The following MASP1 variants were observed in gnomAD, a reference collection of about 807,000 sequenced individuals.
MASP1 encodes mannan-binding lectin serine protease 1.
A neutral mutation model predicts 77.1 loss-of-function variants in MASP1; 59 were observed. The ratio of observed to expected loss-of-function variants is 0.77; its 90% CI spans 0.62 to 0.95. MASP1 has a LOEUF of 0.95. Among genes scored for constraint, MASP1 ranks in the 40% least tolerant of loss-of-function variants. MASP1 has a pLI of 0.00. For missense variants in MASP1, 885 were observed against 912.9 expected (o/e 0.97, Z 0.39); for synonymous variants, 362 against 354.5 (o/e 1.02, Z -0.24).
intron 2 of MASP1, among the ~76,000 whole-genome samples, chr3:187,278,586 C>T (rs544192901): frequency 1.3e-5 from 2 of 152,348 alleles, no homozygotes; most frequent in African/African-American, 4.8e-5. Context: ...AAACTCAATG[C>T]ACTTCAGTGC....
downstream of MASP1, chr3:187,229,953 A>T (rs1415925125): frequency 2.5e-6 from 4 of 1,604,366 alleles, no homozygotes; most frequent in African/African-American, 5.4e-5. Flanking sequence ...CATCTTGCCC[A>T]CTGCCAGAGC....
At chr3:187,251,786 G>T in intron 6 of MASP1, 34 bp from the exon 7 acceptor site, 1 of 1,545,138 alleles carries the variant, frequency 6.5e-7, no homozygotes, top group Non-Finnish European at 9.0e-7. Context: ...CAGCAGGTGA[G>T]AAAAGAGAAT....
chr3:187,261,379 C>G lies in MASP1; in HGVS notation c.416-507G>C, dbSNP rs1392045139. ...CCTCATGCTACCTCTTTCTTTCTTT[C>G]TGCCCCTAATGTGGGTCAAGCCCTG... On this transcript the variant is annotated intron_variant, in intron 3 of 10. Transcript: ENST00000296280. 2.0e-5 allele frequency among the ~76,000 whole-genome samples: 3 copies of G among 152,204 alleles called. No individual in the cohort carries two copies. The East Asian group carries it at 5.8e-4, about 29-fold the overall frequency.
chr3:187,262,670 T>C lies in MASP1; in HGVS notation c.288A>G (p.Thr96=), dbSNP rs1715695786. 3 of 1,614,146 alleles carry C rather than the reference T, an allele frequency of 1.9e-6. No homozygotes were observed. Among genetic ancestry groups the C allele is most frequent in the African/African-American group, 1.3e-5 (1 of 75,050 alleles). Residue 96 remains threonine, a synonymous_variant, in exon 3 of 11, where the codon ACA becomes ACG. Coordinates refer to ENST00000296280, the MANE Select transcript of MASP1 (RefSeq NM_139125.4). ...VLATFCGRET[T]DTEQTPGQEV... ...CCTGGCCGGGAGTCTGCTCTGTGTC[T>C]GTGGTCTCCCTGCCACAGAAGGTTG...
intron 10 of MASP1, among the ~76,000 whole-genome samples, chr3:187,240,431 G>A (rs987079919): frequency 2.0e-5 from 3 of 151,992 alleles, no homozygotes; most frequent in African/African-American, 7.3e-5. Flanking sequence ...ATTCCTCAAT[G>A]CTGTCTTGAG....
intron 8 of MASP1, chr3:187,246,527 A>G (rs1245681614): frequency 9.1e-6 from 9 of 985,376 alleles, no homozygotes; most frequent in Non-Finnish European, 1.1e-5. Context: ...AGTCCATTTA[A>G]TGCAAAGATT....
chr3:187,281,187 A>G (rs1328554863), intron 2 of MASP1, among the ~76,000 whole-genome samples: 1 of 152,252 alleles, frequency 6.6e-6, no homozygotes, highest in African/African-American at 2.4e-5. Context: ...GCAGATGTGC[A>G]TGAGTCTTGA....
At chr3:187,260,137 C>G (rs369475579) in intron 4 of MASP1, among the ~76,000 whole-genome samples, 14 of 152,312 alleles carry the variant, frequency 9.2e-5, no homozygotes, top group African/African-American at 3.4e-4. Context: ...CCCATTACCC[C>G]ACTAGCCCAA....
At chr3:187,257,157 G>A (rs934892326) in intron 4 of MASP1, among the ~76,000 whole-genome samples, 1 of 151,922 alleles carries the variant, frequency 6.6e-6, no homozygotes, top group Non-Finnish European at 1.5e-5. Context: ...GAGAGGGAAG[G>A]GTTTTGAGAT....
Position 187,234,800 on chromosome 3 carries a change from G to C in MASP1, c.*884C>G, listed in dbSNP as rs1109452. 1 of 1,286,982 alleles carries C rather than the reference G, an allele frequency of 7.8e-7. No homozygotes were observed. The highest frequency in any genetic ancestry group is 2.3e-5 in the Admixed American group (1 of 43,538). The allele number at this position is 1,286,982 out of a possible 1,614,324, so 79.7% of individuals were successfully genotyped here. The stretch of plus-strand genomic sequence containing the variant: ...GGTAATCGACTAAGTCCCCATATTC[G>C]GGCCTGGGCTTCAGGTAGCCTTTCA... On this transcript the variant is annotated 3_prime_UTR_variant, in exon 11 of 11. Transcript: ENST00000296280.
chr3:187,233,923 C>G (rs1381501521), downstream of MASP1, among the ~76,000 whole-genome samples: 1 of 152,232 alleles, frequency 6.6e-6, no homozygotes, highest in Admixed American at 6.5e-5. Flanking sequence ...TAACCAAATC[C>G]TTTCCTCATT....
chr3:187,274,943 G>A (rs532035170), intron 2 of MASP1, among the ~76,000 whole-genome samples: 7 of 135,956 alleles, frequency 5.1e-5, no homozygotes, highest in East Asian at 5.2e-4. Context: ...AGTGCCCACC[G>A]TCTCAGAGGG....
At chr3:187,257,645 A>G (rs1229362521) in intron 4 of MASP1, among the ~76,000 whole-genome samples, 1 of 152,128 alleles carries the variant, frequency 6.6e-6, no homozygotes, top group Non-Finnish European at 1.5e-5. Flanking sequence ...TTGGCCTCCC[A>G]AAGTGCTGAG....
Position 187,256,747 on chromosome 3 carries a change from C to T in MASP1, c.661G>A (p.Gly221Ser), listed in dbSNP as rs1324890088. Reference sequence around the variant, plus strand: ...TCAAACTGCAGGTTGACCATGAAACCCTCCTCCAGCTCGATGGTATACAGG... The same window carrying T: ...TCAAACTGCAGGTTGACCATGAAACTCTCCTCCAGCTCGATGGTATACAGG... ...ECLYTIELEE[G>S]FMVNLQFEDI... The change falls in exon 5 of 11, where the codon GGT (glycine) becomes AGT (serine). Residue 221 changes from glycine to serine, a missense_variant. Gly to Ser is a moderately conservative substitution (Grantham distance 56, BLOSUM62 0). Coordinates refer to ENST00000296280, the MANE Select transcript of MASP1 (RefSeq NM_139125.4). The T allele has an allele frequency of 1.2e-6, 2 of 1,613,772 alleles. No individual in the cohort carries two copies. The highest frequency in any genetic ancestry group is 2.2e-5 in the East Asian group (1 of 44,860).
chr3:187,275,730 T>C (rs1365866708), intron 2 of MASP1, among the ~76,000 whole-genome samples: 6 of 152,182 alleles, frequency 3.9e-5, no homozygotes, highest in Non-Finnish European at 8.8e-5. Context: ...GTCTGTGCTA[T>C]CTGAATGTCG....
chr3:187,277,572 T>C (rs1717063103), intron 2 of MASP1, among the ~76,000 whole-genome samples: 1 of 152,144 alleles, frequency 6.6e-6, no homozygotes, highest in Admixed American at 6.6e-5. Flanking sequence ...GAATAATGCA[T>C]GGCCAGGAAA....
chr3:187,221,892 A>G (rs62294418), intron 14 of MASP1, among the ~76,000 whole-genome samples: 43,108 of 152,172 alleles, frequency 0.28, 7,601 homozygotes, highest in Non-Finnish European at 0.4. Flanking sequence ...CCCTTGATCC[A>G]GTGTGGGGGT....
Position 187,240,709 on chromosome 3 carries a change from G to A in MASP1, c.1303+772C>T, listed in dbSNP as rs1029098402. Among the ~76,000 whole-genome samples, 8 of 152,120 alleles carry A rather than the reference G, an allele frequency of 5.3e-5. No individual in the cohort carries two copies. The East Asian group carries it at 1.5e-3, about 29-fold the overall frequency. Reference sequence around the variant, plus strand: ...TGCAATGGTGCAATCTCAGCTCACTGTAGCCTCTGCCCCCTGGGTTCAAGC... The same window carrying A: ...TGCAATGGTGCAATCTCAGCTCACTATAGCCTCTGCCCCCTGGGTTCAAGC... On this transcript the variant is annotated intron_variant, in intron 10 of 10. Transcript: ENST00000296280.
chr3:187,256,882 A>C, intron 4 of MASP1, 22 bp from the exon 5 acceptor site: 1 of 1,608,952 alleles, frequency 6.2e-7, no homozygotes, highest in Non-Finnish European at 8.5e-7. Context: ...ATAATAGAGA[A>C]AATGGCGCAT....
Sources: gnomAD v4.1 joint callset for allele counts (sites outside exome capture counted in the v4.1 genomes callset) on GRCh38, gnomAD v4.1.1 for gene constraint, MANE v1.5 for transcripts, NCBI Gene and HGNC (gene_info 2026-07-23, HGNC 2026-07-21) for gene names.